The following SORD variants were observed in gnomAD, a reference collection of about 807,000 sequenced individuals.
SORD encodes (R,R)-butanediol dehydrogenase.
SORD carries 18 observed loss-of-function variants against 35.6 expected under a neutral mutation model. The ratio of observed to expected loss-of-function variants is 0.51; its 90% CI spans 0.35 to 0.75. SORD has a LOEUF of 0.75. Ranked by LOEUF, SORD falls within the 30% of genes least tolerant of loss-of-function variation. The pLI is 0.01. For synonymous variants in SORD, 106 were observed against 152.9 expected (o/e 0.69, Z 2.26); for missense variants, 250 against 390.2 (o/e 0.64, Z 3.03).
intron 3 of SORD, among the ~76,000 whole-genome samples, chr15:45,055,655 C>A (rs975628307): frequency 6.6e-6 from 1 of 152,180 alleles, no homozygotes; most frequent in Non-Finnish European, 1.5e-5. Context: ...CCAGCATCAT[C>A]CTGATACCAA....
At chr15:45,025,854 C>A (rs139091557) in intron 1 of SORD, among the ~76,000 whole-genome samples, 1 of 152,160 alleles carries the variant, frequency 6.6e-6, no homozygotes, top group South Asian at 2.1e-4. Flanking sequence ...AGCACTACTG[C>A]GGACTTTATT....
chr15:45,071,631 C>A (rs1893515337), intron 7 of SORD, among the ~76,000 whole-genome samples: 1 of 151,700 alleles, frequency 6.6e-6, no homozygotes, highest in African/African-American at 2.4e-5. Flanking sequence ...CACAGTGATC[C>A]CCAGAAAGCT....
chr15:45,037,240 G>A (rs1204204952), intron 1 of SORD, among the ~76,000 whole-genome samples: 1 of 152,232 alleles, frequency 6.6e-6, no homozygotes, highest in South Asian at 2.1e-4. Context: ...CAGGCTGTGG[G>A]CACAGCACCC....
intron 3 of SORD, among the ~76,000 whole-genome samples, chr15:45,043,641 T>C (rs996788931): frequency 1.3e-4 from 19 of 147,942 alleles, no homozygotes; most frequent in Non-Finnish European, 2.6e-4. Flanking sequence ...GAATGCAGGG[T>C]GTGATTAGTG....
chr15:45,064,444 G>A (rs1015094217), intron 4 of SORD, among the ~76,000 whole-genome samples: 3 of 152,190 alleles, frequency 2.0e-5, no homozygotes, highest in Non-Finnish European at 4.4e-5. Flanking sequence ...TTCCTAATCT[G>A]TAAAGCTTTA....
rs1039087909 is a variant in SORD, at chr15:45,074,218, G to T, written c.*688G>T. The T allele has an allele frequency of 2.1e-5, 3 of 146,224 alleles. No individual in the cohort carries two copies. Among genetic ancestry groups the T allele is most frequent in the Admixed American group, 6.7e-5 (1 of 14,886 alleles). The allele number at this position is 146,224 out of a possible 1,614,324, so 9.1% of individuals were successfully genotyped here. A position where few individuals can be genotyped will look rare whatever the true frequency, so the allele number is the denominator to read the frequency against. The stretch of plus-strand genomic sequence containing the variant: ...GACTACTCAGCACTGTTTGAAGATT[G>T]CCTCTTCTACAGCTTCTGAGAATTG... On this transcript the variant is annotated 3_prime_UTR_variant, in exon 9 of 9. Transcript: ENST00000267814.
chr15:45,049,301 T>C (rs1207400880), intron 3 of SORD, among the ~76,000 whole-genome samples: 2 of 152,074 alleles, frequency 1.3e-5, no homozygotes, highest in Non-Finnish European at 2.9e-5. Flanking sequence ...GGCGATAATC[T>C]CTCTGGCTAC....
At chr15:45,057,782 C>CA (rs149596540) in intron 3 of SORD, among the ~76,000 whole-genome samples, 2,088 of 150,650 alleles carry the variant, frequency 0.014, 36 homozygotes, top group African/African-American at 0.047. Flanking sequence ...GACTCTGTCT[C>CA]AAAAAAAACA....
chr15:45,023,461 C>A, intron 1 of SORD, 112 bp downstream of exon 1: 1 of 960,338 alleles, frequency 1.0e-6, no homozygotes, highest in Non-Finnish European at 1.4e-6. Flanking sequence ...GCACCTTAAG[C>A]GCCCTGGCTG....
chr15:45,038,239 T>TA lies in SORD; in HGVS notation c.67-2167dup, dbSNP rs567665052. Among the ~76,000 whole-genome samples, 87 of 151,530 alleles carry TA rather than the reference T, an allele frequency of 5.7e-4. 1 individual carries two copies. The South Asian group carries it at 0.011, about 19-fold the overall frequency. Reference sequence around the variant, plus strand: ...TTATTAAAAGATAAAAAGACTCCCTTAAGCCCTTTTGCCCCCATCGGGCTG... The same window carrying TA: ...TTATTAAAAGATAAAAAGACTCCCTTAAAGCCCTTTTGCCCCCATCGGGCTG... On this transcript the variant is annotated intron_variant, in intron 1 of 8. Transcript: ENST00000267814.
At chr15:45,069,452 C>T (rs751607722) in intron 7 of SORD, among the ~76,000 whole-genome samples, 2 of 151,916 alleles carry the variant, frequency 1.3e-5, no homozygotes, top group South Asian at 2.1e-4. Flanking sequence ...CCTCATGATC[C>T]GCCCTCCTCG....
In SORD at chr15:45,025,855, G is replaced by A. The variant is rs577220564; in HGVS notation, c.66+2506G>A. On this transcript the variant is annotated intron_variant, in intron 1 of 8. Coordinates refer to ENST00000267814, the MANE Select transcript of SORD (RefSeq NM_003104.6). ...CACGATGACTGAGGAGCACTACTGC[G>A]GACTTTATTCAGTTCATAGTGCTAT... 2.6e-4 allele frequency among the ~76,000 whole-genome samples: 39 copies of A among 152,272 alleles called. 1 individual carries two copies. The highest frequency in any genetic ancestry group is 2.0e-3 in the Admixed American group (30 of 15,302).
intron 1 of SORD, among the ~76,000 whole-genome samples, chr15:45,039,398 G>T (rs1384951102): frequency 6.6e-6 from 1 of 152,218 alleles, no homozygotes; most frequent in Non-Finnish European, 1.5e-5. Context: ...AAAGTGCTGG[G>T]ATTACAGGCA....
chr15:45,034,867 C>G (rs1323721546), intron 1 of SORD, among the ~76,000 whole-genome samples: 1 of 152,220 alleles, frequency 6.6e-6, no homozygotes, highest in Non-Finnish European at 1.5e-5. Flanking sequence ...GGCTTCGCGC[C>G]GCGCTTGCGG....
In SORD at chr15:45,023,323, G is replaced by T. The variant is rs1377160960; in HGVS notation, c.40G>T (p.Val14Leu). The stretch of plus-strand genomic sequence containing the variant: ...CAAGCCCAACAACCTTTCCCTGGTG[G>T]TGCACGGACCGGGGGACTTGCGCCT... ...AAKPNNLSLV[V>L]HGPGDLRLEN... Residue 14 changes from valine to leucine, a missense_variant, in exon 1 of 9, where the codon GTG becomes TTG. Physicochemically the swap from Val to Leu is conservative, Grantham distance 32. Transcript: ENST00000267814. The T allele has an allele frequency of 6.3e-7, 1 of 1,591,262 alleles. No individual in the cohort carries two copies. Among genetic ancestry groups the T allele is most frequent in the East Asian group, 2.4e-5 (1 of 42,416 alleles).
At chr15:45,042,700 G>C (rs1472542367) in intron 2 of SORD, among the ~76,000 whole-genome samples, 2 of 151,794 alleles carry the variant, frequency 1.3e-5, no homozygotes, top group East Asian at 3.9e-4. Context: ...TCTCTTAAGT[G>C]GTTGGTACAT....
chr15:45,044,722 G>A (rs1207808924), intron 3 of SORD, among the ~76,000 whole-genome samples: 14 of 145,776 alleles, frequency 9.6e-5, no homozygotes, highest in South Asian at 6.6e-4. Flanking sequence ...TTTTTTTGAC[G>A]GAGTCTCGCT....
At chr15:45,026,168 A>T (rs2437858) in intron 1 of SORD, among the ~76,000 whole-genome samples, 4 of 152,330 alleles carry the variant, frequency 2.6e-5, no homozygotes, top group Non-Finnish European at 2.9e-5. Context: ...TGCCCAACCC[A>T]GACCCCGAGT....
intron 5 of SORD, among the ~76,000 whole-genome samples, chr15:45,067,596 T>C (rs1893427501): frequency 6.6e-6 from 1 of 152,168 alleles, no homozygotes; most frequent in African/African-American, 2.4e-5. Flanking sequence ...ATTAAAACCA[T>C]AGTGTCACAT....
Sources: allele counts gnomAD v4.1 joint callset (sites outside exome capture counted in the v4.1 genomes callset), GRCh38; gene constraint gnomAD v4.1.1; transcripts MANE v1.5; gene names NCBI Gene and HGNC (gene_info 2026-07-23, HGNC 2026-07-21).